The following PTPRG variants were observed in gnomAD, a reference collection of about 807,000 sequenced individuals.
PTPRG encodes receptor-type tyrosine-protein phosphatase gamma.
PTPRG carries 102 observed loss-of-function variants against 165.3 expected under a neutral mutation model. That is an observed-to-expected ratio of 0.62 (90% CI 0.53 to 0.73). PTPRG has a LOEUF of 0.73. Among genes scored for constraint, PTPRG ranks in the 30% least tolerant of loss-of-function variants. PTPRG has a pLI of 0.00. For synonymous variants in PTPRG, 675 were observed against 669.5 expected (o/e 1.01, Z -0.13); for missense variants, 1,866 against 1,861.4 (o/e 1.00, Z -0.05).
rs143859643 is a variant in PTPRG, at chr3:61,844,557, G to T, written c.190+95575G>T. On this transcript the variant is annotated intron_variant, in intron 2 of 29. Coordinates refer to ENST00000474889, the MANE Select transcript of PTPRG (RefSeq NM_002841.4). Reference sequence around the variant, plus strand: ...GAGTCTCGCCCTGTCACTCAGGCTGGAGTACAGTCATGTGATCATAGCTTA... The same window carrying T: ...GAGTCTCGCCCTGTCACTCAGGCTGTAGTACAGTCATGTGATCATAGCTTA... Among the ~76,000 whole-genome samples, 264 of 152,174 alleles carry T rather than the reference G, an allele frequency of 1.7e-3. 1 individual carries two copies. The highest frequency in any genetic ancestry group is 2.5e-3 in the Non-Finnish European group (171 of 68,006).
At chr3:62,066,874 C>G (rs943291280) in intron 4 of PTPRG, among the ~76,000 whole-genome samples, 44 of 152,100 alleles carry the variant, frequency 2.9e-4, no homozygotes, top group African/African-American at 1.0e-3. Flanking sequence ...CCCCTCTCTG[C>G]TAAAATTACA....
intron 1 of PTPRG, among the ~76,000 whole-genome samples, chr3:61,591,258 C>T (rs1483485986): frequency 2.0e-5 from 3 of 152,196 alleles, no homozygotes; most frequent in Non-Finnish European, 2.9e-5. Flanking sequence ...AAACGAGGGT[C>T]TTGGCTAGCC....
At chr3:61,707,552 G>GGTTA (rs2106732782) in intron 1 of PTPRG, among the ~76,000 whole-genome samples, 1 of 152,324 alleles carries the variant, frequency 6.6e-6, no homozygotes, top group Admixed American at 6.5e-5. Flanking sequence ...TAGCAGGGAA[G>GGTTA]GTTAGACTTT....
At chr3:61,691,849 G>A (rs1407957829) in intron 1 of PTPRG, among the ~76,000 whole-genome samples, 1 of 146,564 alleles carries the variant, frequency 6.8e-6, no homozygotes, top group Non-Finnish European at 1.5e-5. Context: ...GAGAGGCACA[G>A]TATAATCATG....
At chr3:61,632,290 CAG>C (rs959812017) in intron 1 of PTPRG, among the ~76,000 whole-genome samples, 3 of 149,506 alleles carry the variant, frequency 2.0e-5, no homozygotes, top group Non-Finnish European at 4.4e-5. Context: ...GTCTGGGTGA[CAG>C]AGTGAGACCC....
Position 62,014,511 on chromosome 3 carries a change from A to C in PTPRG, c.519+11014A>C, listed in dbSNP as rs2041495343. Among the ~76,000 whole-genome samples, 3 of 152,324 alleles carry C rather than the reference A, an allele frequency of 2.0e-5. No individual in the cohort carries two copies. The South Asian group carries it at 6.2e-4, about 32-fold the overall frequency. ...TAACTTCTAAATCCCAGCTATTACC[A>C]CACAGATAGAGCTTCAACTCCTGAA... On this transcript the variant is annotated intron_variant, in intron 4 of 29. Transcript: ENST00000474889.
In PTPRG at chr3:61,561,921, G is replaced by C. The variant is rs951882747; in HGVS notation, c.-367G>C. 6.2e-6 allele frequency: 1 copy of C among 160,700 alleles called. No individual in the cohort carries two copies. Among genetic ancestry groups the C allele is most frequent in the African/African-American group, 2.4e-5 (1 of 41,698 alleles). 10.0% of individuals were successfully genotyped at this position (160,700 alleles called of 1,614,324 possible). ...GTGCTGCGCTGCCGACTCAAGTTGG[G>C]GATCCTCGGCTGCTCGCCGCCGCCG... On this transcript the variant is annotated 5_prime_UTR_variant, in exon 1 of 30. Coordinates refer to ENST00000474889, the MANE Select transcript of PTPRG (RefSeq NM_002841.4).
At chr3:61,576,232 C>T (rs1176897991) in intron 1 of PTPRG, among the ~76,000 whole-genome samples, 2 of 152,102 alleles carry the variant, frequency 1.3e-5, no homozygotes, top group Non-Finnish European at 2.9e-5. Context: ...GCAAAGATGG[C>T]TTTTAGGATT....
At position 61,562,301 on chromosome 3, in the gene PTPRG, T is replaced by C. The variant is rs778628550; in HGVS notation, c.14T>C (p.Leu5Pro). MRRL[L>P]EPCWWILFLK... ...GCGTTTTCGGACATGCGGAGGTTAC[T>C]GGAACCGTGTTGGTGGATTTTGTTC... The change falls in exon 1 of 30, where the codon CTG (leucine) becomes CCG (proline). Residue 5 changes from leucine to proline, a missense_variant. Leu to Pro is a moderately conservative substitution (Grantham distance 98). Coordinates refer to ENST00000474889, the MANE Select transcript of PTPRG (RefSeq NM_002841.4). The C allele has an allele frequency of 1.9e-6, 3 of 1,613,692 alleles. No individual in the cohort carries two copies. Among genetic ancestry groups the C allele is most frequent in the East Asian group, 2.2e-5 (1 of 44,830 alleles).
chr3:62,123,195 T>C (rs920021588), intron 5 of PTPRG, among the ~76,000 whole-genome samples: 7 of 152,228 alleles, frequency 4.6e-5, no homozygotes, highest in African/African-American at 1.4e-4. Context: ...AATGATTCAC[T>C]TCTAATTTTA....
chr3:61,614,386 T>A (rs897377284), intron 1 of PTPRG, among the ~76,000 whole-genome samples: 8 of 151,532 alleles, frequency 5.3e-5, no homozygotes, highest in African/African-American at 1.9e-4. Flanking sequence ...ATCTTTAAGT[T>A]GGGTATAATA....
intron 2 of PTPRG, among the ~76,000 whole-genome samples, chr3:61,833,711 C>G (rs531449338): frequency 1.3e-5 from 2 of 151,994 alleles, no homozygotes; most frequent in African/African-American, 2.4e-5. Context: ...TACAGGTACC[C>G]GCCACCACGC....
In PTPRG at chr3:62,237,921, C is replaced by T. The variant is rs552170682; in HGVS notation, c.2376-5886C>T. On this transcript the variant is annotated intron_variant, in intron 14 of 29. Coordinates refer to ENST00000474889, the MANE Select transcript of PTPRG (RefSeq NM_002841.4). The surrounding 1 kb of genome is among the most constrained non-coding windows in gnomAD (Gnocchi z 4.5). ...GAAATCTTTTGAAGATATATGAGCC[C>T]GTGTTTGGTTTTCTAAAAAGGGATG... Among the ~76,000 whole-genome samples the T allele has an allele frequency of 1.3e-3, 196 of 152,208 alleles. No individual in the cohort carries two copies. The highest frequency in any genetic ancestry group is 4.4e-3 in the African/African-American group (181 of 41,526).
chr3:61,746,446 A>AT (rs1443756691), intron 1 of PTPRG, among the ~76,000 whole-genome samples: 2 of 151,422 alleles, frequency 1.3e-5, no homozygotes, highest in Non-Finnish European at 2.9e-5. Context: ...TAATTTTTTT[A>AT]TTTTTTGTAG....
intron 1 of PTPRG, among the ~76,000 whole-genome samples, chr3:61,651,842 T>G (rs1702362476): frequency 6.6e-6 from 1 of 151,976 alleles, no homozygotes; most frequent in Admixed American, 6.5e-5. Context: ...AAACCCCGTC[T>G]CTACTAAAAA....
At position 62,240,886 on chromosome 3, in the gene PTPRG, A is replaced by C. The variant is rs758513014; in HGVS notation, c.2376-2921A>C. On this transcript the variant is annotated intron_variant, in intron 14 of 29. Transcript: ENST00000474889. The surrounding 1 kb of genome is among the most constrained non-coding windows in gnomAD (Gnocchi z 5.1). ...CTTATTTTCTTCATTGCTCTTGACT[A>C]TTTGAAGCAATTTATTTGCTTGTTG... Among the ~76,000 whole-genome samples the C allele has an allele frequency of 1.1e-3, 172 of 152,090 alleles. 6 individuals are homozygous for C. The highest frequency in any genetic ancestry group is 2.2e-4 in the Non-Finnish European group (15 of 68,002).
At chr3:61,994,665 A>G (rs1575862581) in intron 3 of PTPRG, among the ~76,000 whole-genome samples, 3 of 152,336 alleles carry the variant, frequency 2.0e-5, no homozygotes, top group Middle Eastern at 6.8e-3. Context: ...AGAAGTTTTT[A>G]GTAGAGTAGC....
chr3:61,786,421 G>A (rs1363293578), intron 2 of PTPRG, among the ~76,000 whole-genome samples: 1 of 152,152 alleles, frequency 6.6e-6, no homozygotes, highest in East Asian at 1.9e-4. Context: ...GATACCTTGA[G>A]CCTCATGAGT....
intron 5 of PTPRG, among the ~76,000 whole-genome samples, chr3:62,096,119 G>A (rs776550276): frequency 2.0e-5 from 3 of 151,852 alleles, no homozygotes; most frequent in Non-Finnish European, 4.4e-5. Context: ...GCACCCCTTT[G>A]GCAAAAAGAG....
Sources: gnomAD v4.1 joint callset for allele counts (sites outside exome capture counted in the v4.1 genomes callset) on GRCh38, gnomAD v4.1.1 for gene constraint, Gnocchi (gnomAD v3.1) non-coding constraint, MANE v1.5 for transcripts, NCBI Gene and HGNC (gene_info 2026-07-23, HGNC 2026-07-21) for gene names.